Variants in SMYD4 observed in about 807,000 individuals in gnomAD.
SMYD4 encodes the protein SET and MYND domain containing 4.
A neutral mutation model predicts 72.8 loss-of-function variants in SMYD4; 68 were observed. That is an observed-to-expected ratio of 0.93 (90% confidence interval 0.77 to 1.14). The LOEUF is 1.14. SMYD4 is among the 50% of genes most tolerant of loss of function. SMYD4 has a pLI of 0.00. For missense variants in SMYD4, 984 were observed against 1,003.7 expected, an observed-to-expected ratio of 0.98 and a Z score of 0.27; for synonymous variants, 407 against 388.6, an observed-to-expected ratio of 1.05 and a Z score of -0.56.
intron 5 of SMYD4, 48 bp from the exon 6 acceptor site, chr17:1,787,652 C>T: frequency 6.6e-7 from 1 of 1,506,100 alleles, no homozygotes; most frequent in Non-Finnish European, 8.9e-7. Context: ...CACATGAGCC[C>T]TGGCCTTGCC....
At chr17:1,791,116 CAAAAAAAAAAAA>C (rs56079708) in intron 5 of SMYD4, among the ~76,000 whole-genome samples, 13,875 of 86,926 alleles carry the variant, frequency 0.16, 1,041 homozygotes, top group African/African-American at 0.31. Flanking sequence ...TGGCCCGTCT[CAAAAAAAAAAAA>C]AAAAAAAAAA....
chr17:1,804,379 G>A (rs1597383824), intron 4 of SMYD4: 1 of 372,944 alleles, frequency 2.7e-6, no homozygotes, highest in East Asian at 5.6e-5. Context: ...GTTCCACTGT[G>A]TCGGCCACGC....
chr17:1,783,997 G>A (rs546650932), intron 8 of SMYD4: 1 of 327,670 alleles, frequency 3.1e-6, no homozygotes, highest in African/African-American at 2.1e-5. Flanking sequence ...ACTAGGCCCT[G>A]GAATTAAAAT....
chr17:1,823,293 C>G (rs931856653), intron 2 of SMYD4, among the ~76,000 whole-genome samples: 6 of 147,300 alleles, frequency 4.1e-5, no homozygotes, highest in Non-Finnish European at 7.4e-5. Flanking sequence ...ACTCGAGAGG[C>G]TGAGGCAGGA....
chr17:1,797,611 G>A (rs998216739), intron 5 of SMYD4, among the ~76,000 whole-genome samples: 1 of 152,236 alleles, frequency 6.6e-6, no homozygotes, highest in African/African-American at 2.4e-5. Context: ...TTCTGCTGCA[G>A]TGTGGGGTGG....
chr17:1,794,783 A>G (rs1306891141), intron 5 of SMYD4, among the ~76,000 whole-genome samples: 3 of 152,052 alleles, frequency 2.0e-5, no homozygotes, highest in Admixed American at 6.6e-5. Flanking sequence ...ATGAATTTAG[A>G]ATGTTGTCAA....
chr17:1,801,786 C>T lies in SMYD4; in HGVS notation c.370-762G>A, dbSNP rs147445271. ...GGTCAGGTGATCGAGACCATCCTGG[C>T]TAACATGGTGAAACCCCATCTCTAC... On this transcript the variant is annotated intron_variant, in intron 4 of 10. Transcript: ENST00000305513. Among the ~76,000 whole-genome samples the T allele has an allele frequency of 7.0e-3, 1,058 of 151,568 alleles. 7 individuals carry two copies. The highest frequency in any genetic ancestry group is 0.014 in the Middle Eastern group (4 of 292).
At chr17:1,822,068 T>C (rs1567789063) in intron 2 of SMYD4, among the ~76,000 whole-genome samples, 1 of 151,762 alleles carries the variant, frequency 6.6e-6, no homozygotes, top group Non-Finnish European at 1.5e-5. Context: ...CTACTAAAAA[T>C]ATAAAAATTA....
rs773471223 is a variant in SMYD4 at position 1,781,262 on chromosome 17, G to T, written c.*24C>A. ...CTTGTGTTCCATGGGCTCCTTTTCT[G>T]TGGGTCAAAATCCTCCTGGAACCCT... is the stretch of plus-strand genomic sequence containing the variant. On this transcript the variant is annotated 3_prime_UTR_variant, in exon 11 of 11. Coordinates refer to ENST00000305513, the MANE Select transcript of SMYD4 (RefSeq NM_052928.3). 2 of 1,602,634 alleles carry T rather than the reference G, an allele frequency of 1.2e-6. No homozygotes were observed. Among genetic ancestry groups the T allele is most frequent in the African/African-American group, 2.7e-5 (2 of 74,076 alleles).
chr17:1,816,347 C>T (rs1019122812), intron 2 of SMYD4, among the ~76,000 whole-genome samples: 11 of 151,780 alleles, frequency 7.2e-5, no homozygotes, highest in Non-Finnish European at 1.5e-4. Context: ...TGGCCAGGCG[C>T]GGTGGCTCAC....
Position 1,811,858 on chromosome 17 carries a change from C to A in SMYD4, c.279+113G>T, listed in dbSNP as rs1011424921. The A allele has an allele frequency of 2.9e-5, 34 of 1,181,284 alleles. No individual in the cohort carries two copies. The Admixed American group carries it at 8.2e-4, about 28-fold the overall frequency. The allele number at this position is 1,181,284 out of a possible 1,614,324, so 73.2% of individuals were successfully genotyped here. ...GGGAGGATCGCTTGAACCCAGGAGG[C>A]GAATGTTGCAGTGAGCTGAGATTAT... On this transcript the variant is annotated intron_variant, in intron 3 of 10. Transcript: ENST00000305513.
At chr17:1,793,394 AT>A (rs1260192087) in intron 5 of SMYD4, among the ~76,000 whole-genome samples, 158 of 142,342 alleles carry the variant, frequency 1.1e-3, no homozygotes, top group Admixed American at 1.1e-3. Flanking sequence ...TCAGCTGAGT[AT>A]TTTTTTTTTT....
chr17:1,781,314 G>A lies in SMYD4; in HGVS notation c.2387C>T (p.Pro796Leu), dbSNP rs1597361288. Residue 796 changes from proline to leucine, a missense_variant, in exon 11 of 11, where the codon CCA becomes CTA. Coordinates refer to ENST00000305513, the MANE Select transcript of SMYD4 (RefSeq NM_052928.3). ...CAATGCAGGCCCTACAGGGGTGGGTGGTAAGTCCAACAAACAGGATTTCAT... is the reference window on the plus strand; with the variant it reads ...CAATGCAGGCCCTACAGGGGTGGGTAGTAAGTCCAACAAACAGGATTTCAT... ...QKMKSCLLDL[P>L]PTPVGPAL is the part of the protein sequence containing the mutation. The A allele has an allele frequency of 6.2e-7, 1 of 1,613,604 alleles. No homozygotes were observed. Among genetic ancestry groups the A allele is most frequent in the South Asian group, 1.1e-5 (1 of 91,048 alleles).
In SMYD4 at chr17:1,786,985, T is replaced by G; in HGVS notation, c.1721-12A>C. 1 of 1,605,970 alleles carries G rather than the reference T, an allele frequency of 6.2e-7. No individual in the cohort carries two copies. The highest frequency in any genetic ancestry group is 8.5e-7 in the Non-Finnish European group (1 of 1,178,096). ...GCTCTTGTGAGGCCCTGGAGGGAGA[T>G]CACCGTCAGCCAATATTGAAAGCAA... On this transcript the variant is annotated splice_polypyrimidine_tract_variant and intron_variant, in intron 6 of 10. Transcript: ENST00000305513.
chr17:1,783,284 C>A (rs543459094), intron 9 of SMYD4, 76 bp downstream of exon 9: 6 of 1,610,182 alleles, frequency 3.7e-6, no homozygotes, highest in Non-Finnish European at 4.2e-6. Context: ...GGTAACCAGG[C>A]AGACAAGGCC....
chr17:1,828,770 T>C (rs1414472009), intron 1 of SMYD4, among the ~76,000 whole-genome samples: 1 of 152,024 alleles, frequency 6.6e-6, no homozygotes, highest in Admixed American at 6.6e-5. Context: ...CTAATTTTTG[T>C]ATTTTTAGTA....
chr17:1,829,865 C>T lies in SMYD4; in HGVS notation c.-152G>A, dbSNP rs1330160809. 2 of 354,658 alleles carry T rather than the reference C, an allele frequency of 5.6e-6. No individual in the cohort carries two copies. The highest frequency in any genetic ancestry group is 9.7e-6 in the Non-Finnish European group (2 of 206,220). The allele number at this position is 354,658 out of a possible 1,614,324, so 22.0% of individuals were successfully genotyped here. Reference sequence around the variant, plus strand: ...CGCCCCGCTCCGCCCCGCACCGCGTCCGGCGTCCCGCGCCAGGCCTCGCTT... The same window carrying T: ...CGCCCCGCTCCGCCCCGCACCGCGTTCGGCGTCCCGCGCCAGGCCTCGCTT... On this transcript the variant is annotated 5_prime_UTR_variant, in exon 1 of 11. Transcript: ENST00000305513.
chr17:1,824,920 C>T (rs1306745725), intron 2 of SMYD4, among the ~76,000 whole-genome samples: 2 of 152,140 alleles, frequency 1.3e-5, no homozygotes, highest in Non-Finnish European at 2.9e-5. Context: ...CCACCGCGCC[C>T]GGTGAAATCT....
intron 7 of SMYD4, among the ~76,000 whole-genome samples, chr17:1,785,169 T>C (rs1234306257): frequency 1.4e-5 from 2 of 146,378 alleles, no homozygotes; most frequent in African/African-American, 5.0e-5. Context: ...ACGCCTGTAA[T>C]CCCAGCACTT....
Sources: allele counts gnomAD v4.1 joint callset (sites outside exome capture counted in the v4.1 genomes callset), GRCh38; gene constraint gnomAD v4.1.1; transcripts MANE v1.5; gene names NCBI Gene and HGNC (gene_info 2026-07-23, HGNC 2026-07-21).